Variants in MALRD1 observed in about 807,000 individuals in gnomAD.
The protein encoded by MALRD1 is MAM and LDL receptor class A domain containing 1.
In MALRD1, 247 loss-of-function variants were observed where a neutral mutation model predicts 242.1. The observed-to-expected ratio is 1.02, with a 90% confidence interval of 0.92 to 1.13. The LOEUF is 1.13. Among genes scored for constraint, MALRD1 ranks in the 50% most tolerant of loss-of-function variants. MALRD1 has a pLI of 0.00. For missense variants in MALRD1, 2,989 were observed against 2,533.1 expected, an observed-to-expected ratio of 1.18 and a Z score of -3.86; for synonymous variants, 995 against 866.6, an observed-to-expected ratio of 1.15 and a Z score of -2.60.
chr10:19,402,113 C>A (rs1846881852), intron 28 of MALRD1, among the ~76,000 whole-genome samples: 1 of 152,178 alleles, frequency 6.6e-6, no homozygotes, highest in African/African-American at 2.4e-5. Flanking sequence ...CATGTTATAC[C>A]CTCTACTTTT....
chr10:19,172,756 T>C (rs1412364470), intron 13 of MALRD1, among the ~76,000 whole-genome samples: 1 of 150,958 alleles, frequency 6.6e-6, no homozygotes, highest in African/African-American at 2.4e-5. Flanking sequence ...GAATTAAACA[T>C]CTATTTTAAT....
chr10:19,691,031 G>A (rs781028839), intron 36 of MALRD1, among the ~76,000 whole-genome samples: 18 of 152,050 alleles, frequency 1.2e-4, no homozygotes, highest in Non-Finnish European at 2.6e-4. Flanking sequence ...TTAACTCAGA[G>A]TGAAAATGTG....
At chr10:19,589,734 C>T (rs1388456636) in intron 33 of MALRD1, among the ~76,000 whole-genome samples, 1 of 152,198 alleles carries the variant, frequency 6.6e-6, no homozygotes, top group Admixed American at 6.5e-5. Flanking sequence ...CCCTCCATCA[C>T]AGTCATCAAC....
intron 26 of MALRD1, among the ~76,000 whole-genome samples, chr10:19,384,429 T>C (rs1482447962): frequency 1.7e-5 from 2 of 117,338 alleles, no homozygotes; most frequent in East Asian, 4.3e-4. Context: ...ATATTTACCA[T>C]ATATTATATA....
At chr10:19,295,461 G>GT (rs1243467034) in intron 21 of MALRD1, among the ~76,000 whole-genome samples, 7 of 109,928 alleles carry the variant, frequency 6.4e-5, no homozygotes, top group African/African-American at 2.2e-4. Context: ...AGTATGTTTT[G>GT]GGTGTGTGTG....
At chr10:19,420,164 C>T (rs993688706) in intron 28 of MALRD1, among the ~76,000 whole-genome samples, 5 of 152,092 alleles carry the variant, frequency 3.3e-5, no homozygotes, top group African/African-American at 9.7e-5. Context: ...GTTCCCCTGT[C>T]GGCTAGGGTT....
intron 29 of MALRD1, among the ~76,000 whole-genome samples, chr10:19,472,587 T>C (rs1262610837): frequency 6.6e-6 from 1 of 152,000 alleles, no homozygotes; most frequent in East Asian, 1.9e-4. Context: ...TTACTCATTA[T>C]TGGTCTGTTC....
rs61145519 is a variant in MALRD1 at position 19,588,626 on chromosome 10, T to C, written c.5681-6568T>C. On this transcript the variant is annotated intron_variant, in intron 33 of 39. Coordinates refer to ENST00000454679, the MANE Select transcript of MALRD1 (RefSeq NM_001142308.3). Reference sequence around the variant, plus strand: ...TAATTTGTACACTGATTCCCTAAATTCTAAAGCAACATTTCTTATTTACTC... The same window carrying C: ...TAATTTGTACACTGATTCCCTAAATCCTAAAGCAACATTTCTTATTTACTC... 3.7e-3 allele frequency among the ~76,000 whole-genome samples: 566 copies of C among 152,304 alleles called. 6 individuals carry two copies. The highest frequency in any genetic ancestry group is 0.013 in the African/African-American group (553 of 41,576).
At chr10:19,594,864 G>A (rs1837999765) in intron 33 of MALRD1, among the ~76,000 whole-genome samples, 1 of 152,084 alleles carries the variant, frequency 6.6e-6, no homozygotes, top group African/African-American at 2.4e-5. Context: ...AGAAATAAAA[G>A]ACTATATATC....
At chr10:19,065,384 G>A (rs906288943) in intron 1 of MALRD1, among the ~76,000 whole-genome samples, 1 of 152,026 alleles carries the variant, frequency 6.6e-6, no homozygotes, top group Non-Finnish European at 1.5e-5. Context: ...TAACTTTTGG[G>A]TCATTGCTAT....
chr10:19,103,846 A>G (rs1008577633), intron 4 of MALRD1, 133 bp from the exon 5 acceptor site: 12 of 429,340 alleles, frequency 2.8e-5, no homozygotes, highest in Non-Finnish European at 1.2e-5. Context: ...TGCACCTGGA[A>G]TTGGCATGGT....
chr10:19,257,963 G>A (rs1383288151), intron 19 of MALRD1, among the ~76,000 whole-genome samples, 192 bp downstream of exon 19: 1 of 152,046 alleles, frequency 6.6e-6, no homozygotes, highest in African/African-American at 2.4e-5. Flanking sequence ...GTCAAACATA[G>A]TCAAGATGTT....
At chr10:19,614,733 G>T (rs535472877) in intron 35 of MALRD1, among the ~76,000 whole-genome samples, 1 of 152,118 alleles carries the variant, frequency 6.6e-6, no homozygotes, top group Admixed American at 6.6e-5. Flanking sequence ...AAATGCTCTT[G>T]TTAAACTGGA....
chr10:19,349,001 G>T (rs190276869), intron 25 of MALRD1, among the ~76,000 whole-genome samples: 1 of 151,770 alleles, frequency 6.6e-6, no homozygotes, highest in African/African-American at 2.4e-5. Context: ...TCACTCTGTC[G>T]CCCAGGCTGG....
At chr10:19,286,514 G>T (rs1481715680) in intron 21 of MALRD1, among the ~76,000 whole-genome samples, 1 of 152,206 alleles carries the variant, frequency 6.6e-6, no homozygotes, top group Non-Finnish European at 1.5e-5. Context: ...AGATAATCAT[G>T]TGGTTTTTGT....
At chr10:19,507,381 C>T (rs1833192256) in intron 31 of MALRD1, among the ~76,000 whole-genome samples, 1 of 151,956 alleles carries the variant, frequency 6.6e-6, no homozygotes, top group South Asian at 2.1e-4. Flanking sequence ...TTAGAAAAAT[C>T]GTTCCCACAA....
intron 26 of MALRD1, among the ~76,000 whole-genome samples, chr10:19,383,851 C>G (rs1039310003): frequency 1.3e-5 from 2 of 151,546 alleles, no homozygotes; most frequent in African/African-American, 2.4e-5. Flanking sequence ...ATAGTACATT[C>G]TCCAGGACTT....
At position 19,356,228 on chromosome 10, in the gene MALRD1, T is replaced by C. The variant is rs187847636; in HGVS notation, c.4441+3931T>C. Among the ~76,000 whole-genome samples the C allele has an allele frequency of 2.2e-3, 331 of 152,162 alleles. 2 individuals are homozygous for C. The highest frequency in any genetic ancestry group is 5.4e-3 in the Admixed American group (82 of 15,258). On this transcript the variant is annotated intron_variant, in intron 26 of 39. Coordinates refer to ENST00000454679, the MANE Select transcript of MALRD1 (RefSeq NM_001142308.3). ...TTACAGAACATCTTTCTTGGAGAGG[T>C]ATATCTATATGTAAATCTGTAACTA...
intron 26 of MALRD1, among the ~76,000 whole-genome samples, chr10:19,357,250 G>A (rs1303754108): frequency 1.3e-5 from 2 of 152,044 alleles, no homozygotes; most frequent in Admixed American, 1.3e-4. Flanking sequence ...CTGAAACACA[G>A]TTTCCTCTTC....
Sources: allele counts gnomAD v4.1 joint callset (sites outside exome capture counted in the v4.1 genomes callset), GRCh38; gene constraint gnomAD v4.1.1; transcripts MANE v1.5; gene names NCBI Gene and HGNC (gene_info 2026-07-23, HGNC 2026-07-21).